RGS3: variants seen among roughly 807,000 people sequenced by gnomAD.
The protein encoded by RGS3 is regulator of G protein signaling 3, also known as regulator of G-protein signalling 3.
A neutral mutation model predicts 132.6 loss-of-function variants in RGS3; 80 were observed. That is an observed-to-expected ratio of 0.60 (90% confidence interval 0.50 to 0.73). The LOEUF (loss-of-function observed/expected upper bound fraction) is 0.73. Among genes scored for constraint, RGS3 ranks in the 30% least tolerant of loss-of-function variants. The probability of loss-of-function intolerance (pLI) is 0.00; values close to 1 mark genes in which losing one functional copy is unlikely to be tolerated. For missense variants in RGS3, 1,382 were observed against 1,530.8 expected (o/e 0.90, Z 1.62); for synonymous variants, 598 against 620.6 (o/e 0.96, Z 0.54).
intron 18 of RGS3, among the ~76,000 whole-genome samples, chr9:113,534,611 T>G (rs1832605590): frequency 7.4e-5 from 1 of 13,574 alleles, no homozygotes; most frequent in Admixed American, 1.1e-3. Flanking sequence ...TACAGATGAA[T>G]TTTTTTTTTT....
intron 19 of RGS3, among the ~76,000 whole-genome samples, chr9:113,575,997 G>A (rs889216151): frequency 1.3e-5 from 2 of 152,034 alleles, no homozygotes; most frequent in South Asian, 4.2e-4. Context: ...TCAGGAGATC[G>A]AGACCATCCT....
chr9:113,530,940 T>G (rs1262136755), intron 18 of RGS3, among the ~76,000 whole-genome samples: 4 of 152,246 alleles, frequency 2.6e-5, no homozygotes, highest in African/African-American at 9.6e-5. Flanking sequence ...ATCAAGAGCC[T>G]GAAACTCACA....
intron 10 of RGS3, 196 bp from the exon 9 acceptor site, chr9:113,505,246 G>A: frequency 1.7e-6 from 1 of 587,300 alleles, no homozygotes; most frequent in South Asian, 2.1e-5. Context: ...GGGCCTTCCT[G>A]CTTGGCCCAC....
chr9:113,507,322 G>T lies in RGS3; in HGVS notation c.1121G>T (p.Arg374Leu). The T allele has an allele frequency of 6.2e-7, 1 of 1,613,574 alleles. No homozygotes were observed. The highest frequency in any genetic ancestry group is 8.5e-7 in the Non-Finnish European group (1 of 1,179,906). ...AGTGAGATCATCCTACTCGTGTGGC[G>T]CATGGTCCCCCAGGTCAAGCCAGGA... Residue 374 changes from arginine to leucine, a missense_variant, in exon 13 of 25, where the codon CGC (arginine) becomes CTC (leucine). Transcript: ENST00000350696. This position sits in a 1 kb window ranked among gnomAD's most constrained non-coding sequence, Gnocchi z 5.0.
intron 19 of RGS3, among the ~76,000 whole-genome samples, chr9:113,561,501 C>G (rs1250551448): frequency 6.6e-6 from 1 of 152,176 alleles, no homozygotes; most frequent in Non-Finnish European, 1.5e-5. Flanking sequence ...CAGCCTCAAC[C>G]TCCTGGGCTC....
chr9:113,573,224 C>T (rs1378125401), intron 19 of RGS3, among the ~76,000 whole-genome samples: 2 of 152,184 alleles, frequency 1.3e-5, no homozygotes, highest in African/African-American at 2.4e-5. Flanking sequence ...TATCTCCAAG[C>T]CCCAGTTGTT....
At chr9:113,560,055 A>G (rs1344083130) in intron 19 of RGS3, among the ~76,000 whole-genome samples, 1 of 152,202 alleles carries the variant, frequency 6.6e-6, no homozygotes, top group Non-Finnish European at 1.5e-5. Flanking sequence ...AGAGATAGTA[A>G]AGGGACTTGC....
intron 20 of RGS3, among the ~76,000 whole-genome samples, chr9:113,586,768 TG>T (rs1206168272): frequency 6.6e-6 from 1 of 152,236 alleles, no homozygotes; most frequent in African/African-American, 2.4e-5. Context: ...CATCTCTTAC[TG>T]GTACTGGGCC....
chr9:113,505,683 T>C (rs1831098902), intron 11 of RGS3, among the ~76,000 whole-genome samples, 160 bp downstream of exon 9: 1 of 152,220 alleles, frequency 6.6e-6, no homozygotes, highest in African/African-American at 2.4e-5. Context: ...TAGATGAAAC[T>C]GCCATTTATG....
chr9:113,574,505 T>C (rs1008403476), intron 19 of RGS3, among the ~76,000 whole-genome samples: 2 of 152,198 alleles, frequency 1.3e-5, no homozygotes, highest in Non-Finnish European at 2.9e-5. Context: ...CCCTGGCGCA[T>C]GGCTGCAGCT....
At chr9:113,553,459 A>AAAAAAAAAAAATATATATAT (rs1426114805) in intron 19 of RGS3, among the ~76,000 whole-genome samples, 3 of 58,696 alleles carry the variant, frequency 5.1e-5, no homozygotes, top group East Asian at 4.3e-4. Flanking sequence ...AAAAAAAAAA[A>AAAAAAAAAAAATATATATAT]ATATATATAT....
At chr9:113,493,192 A>G (rs571214526) in intron 7 of RGS3, among the ~76,000 whole-genome samples, 2 of 152,356 alleles carry the variant, frequency 1.3e-5, no homozygotes, top group South Asian at 4.1e-4. Flanking sequence ...TATGATAGTC[A>G]CTGCAACTGC....
At chr9:113,519,510 CA>C (rs35813905) in intron 16 of RGS3, among the ~76,000 whole-genome samples, 13,197 of 99,544 alleles carry the variant, frequency 0.13, 524 homozygotes, top group South Asian at 0.23. Context: ...TTACTCACAC[CA>C]AAAAAAAAAA....
chr9:113,575,180 G>T (rs1702861034), intron 19 of RGS3, among the ~76,000 whole-genome samples: 1 of 152,240 alleles, frequency 6.6e-6, no homozygotes, highest in Admixed American at 6.5e-5. Context: ...CAGGCTGCAA[G>T]CGGCATGTCC....
chr9:113,586,337 CTATT>C (rs1835117806), intron 20 of RGS3, among the ~76,000 whole-genome samples: 1 of 152,226 alleles, frequency 6.6e-6, no homozygotes, highest in Admixed American at 6.5e-5. Flanking sequence ...TCCAATAAAA[CTATT>C]TATATACAGA....
intron 19 of RGS3, among the ~76,000 whole-genome samples, chr9:113,563,330 G>A (rs1459810334): frequency 6.6e-6 from 1 of 152,164 alleles, no homozygotes; most frequent in Non-Finnish European, 1.5e-5. Flanking sequence ...CAATCCCCAG[G>A]GCCTAACACA....
intron 20 of RGS3, among the ~76,000 whole-genome samples, chr9:113,590,557 T>TATCCATCCATCCATCC (rs746005388): frequency 1.7e-4 from 26 of 148,626 alleles, no homozygotes; most frequent in Non-Finnish European, 3.7e-4. Context: ...CCTATCCACA[T>TATCCATCCATCCATCC]ATCCATCCAT....
In RGS3 at chr9:113,565,458, A is replaced by G; in HGVS notation, c.2038-17992A>G. The G allele has an allele frequency of 8.9e-7, 1 of 1,129,282 alleles. No homozygotes were observed. Among genetic ancestry groups the G allele is most frequent in the Non-Finnish European group, 1.2e-6 (1 of 846,038 alleles). 70.0% of individuals were successfully genotyped at this position (1,129,282 alleles called of 1,614,324 possible). A position where few individuals can be genotyped will look rare whatever the true frequency, so the allele number is the denominator to read the frequency against. ...AGGGACGGGTGATGCAAGGGTTTTG[A>G]AAGCGCTACCTAGATGTGGGAGGTG... On this transcript the variant is annotated intron_variant, in intron 19 of 24. Transcript: ENST00000350696. The surrounding 1 kb of genome is among the most constrained non-coding windows in gnomAD (Gnocchi z 5.7).
Position 113,565,913 on chromosome 9 carries a change from G to C in RGS3, c.2038-17537G>C, listed in dbSNP as rs7028370. On this transcript the variant is annotated intron_variant, in intron 19 of 24. Coordinates refer to ENST00000350696, the Ensembl canonical transcript of RGS3. This position sits in a 1 kb window ranked among gnomAD's most constrained non-coding sequence, Gnocchi z 5.7. ...TGTGTGTGTGTGTGTGTGTGTGTGT[G>C]TGTCTGTCTGTCTGTCTGTCTCAGG... is the stretch of plus-strand genomic sequence containing the variant. Among the ~76,000 whole-genome samples the C allele has an allele frequency of 0.079, 11,431 of 144,394 alleles. 561 individuals carry two copies. The highest frequency in any genetic ancestry group is 0.091 in the Non-Finnish European group (6,029 of 65,930). 94.7% of individuals were successfully genotyped at this position (144,394 alleles called of 152,430 possible). A position where few individuals can be genotyped will look rare whatever the true frequency, so the allele number is the denominator to read the frequency against.
Sources: gnomAD v4.1 joint callset for allele counts (sites outside exome capture counted in the v4.1 genomes callset) on GRCh38, gnomAD v4.1.1 for gene constraint, Gnocchi (gnomAD v3.1) non-coding constraint, MANE v1.5 for transcripts, NCBI Gene and HGNC (gene_info 2026-07-23, HGNC 2026-07-21) for gene names.